Variants in N4BP1 observed in about 807,000 individuals in gnomAD.
N4BP1 encodes NEDD4 binding protein 1, also known as NEDD4-binding protein 1.
N4BP1 carries 21 observed loss-of-function variants against 70.9 expected under a neutral mutation model. The observed-to-expected ratio is 0.30, with a 90% CI of 0.21 to 0.43. The LOEUF (loss-of-function observed/expected upper bound fraction) is 0.43. Ranked by LOEUF, N4BP1 falls within the 20% of genes least tolerant of loss-of-function variation. The pLI is 1.00. For missense variants in N4BP1, 936 were observed against 1,069.4 expected (o/e 0.88, Z 1.74); for synonymous variants, 387 against 394.6 (o/e 0.98, Z 0.23).
chr16:48,596,261 T>A (rs1250847009), intron 1 of N4BP1, among the ~76,000 whole-genome samples: 1 of 152,248 alleles, frequency 6.6e-6, no homozygotes, highest in Non-Finnish European at 1.5e-5. Flanking sequence ...AATTAATGCT[T>A]AACTGGAATT....
intron 1 of N4BP1, among the ~76,000 whole-genome samples, chr16:48,583,391 C>A (rs1287840871): frequency 6.6e-6 from 1 of 152,172 alleles, no homozygotes; most frequent in Non-Finnish European, 1.5e-5. Flanking sequence ...TTATCCAAGG[C>A]TGGCACAGTT....
chr16:48,570,422 T>C (rs760860581), intron 1 of N4BP1, among the ~76,000 whole-genome samples: 14 of 152,184 alleles, frequency 9.2e-5, no homozygotes, highest in Non-Finnish European at 1.8e-4. Context: ...CTCGGCTCAC[T>C]GCAAACTCTG....
chr16:48,598,828 A>C (rs1964457158), intron 1 of N4BP1, among the ~76,000 whole-genome samples: 1 of 152,100 alleles, frequency 6.6e-6, no homozygotes, highest in Non-Finnish European at 1.5e-5. Context: ...TTGATATAGG[A>C]GTCCTATGAT....
At chr16:48,556,329 TTCCTACTTCAAG>T (rs1963754799) in intron 2 of N4BP1, among the ~76,000 whole-genome samples, 1 of 152,208 alleles carries the variant, frequency 6.6e-6, no homozygotes, top group Non-Finnish European at 1.5e-5. Context: ...AGGACCCTTC[TTCCTACTTCAAG>T]TCCTATACCC....
chr16:48,540,735 GCC>G lies in N4BP1; in HGVS notation c.*2167_*2168del. 1 of 152,494 alleles carries G rather than the reference GCC, an allele frequency of 6.6e-6. No individual in the cohort carries two copies. The highest frequency in any genetic ancestry group is 6.5e-5 in the Admixed American group (1 of 15,306). 9.4% of individuals were successfully genotyped at this position (152,494 alleles called of 1,614,324 possible). A position where few individuals can be genotyped will look rare whatever the true frequency, so the allele number is the denominator to read the frequency against. ...GCAGTAGACAGGGAAGAGGCGAGCG[GCC>G]CCACTGCAGGAGGTAGACAGGCTAC... is the stretch of plus-strand genomic sequence containing the variant. On this transcript the variant is annotated 3_prime_UTR_variant, in exon 7 of 7. Transcript: ENST00000262384.
At chr16:48,584,121 T>C (rs1597106484) in intron 1 of N4BP1, among the ~76,000 whole-genome samples, 3 of 152,332 alleles carry the variant, frequency 2.0e-5, no homozygotes, top group African/African-American at 2.4e-5. Context: ...ATGAATCTGG[T>C]CTATGCATGG....
rs1320328405 is a variant in N4BP1 at position 48,540,491 on chromosome 16, C to G, written c.*2413G>C. On this transcript the variant is annotated 3_prime_UTR_variant, in exon 7 of 7. Transcript: ENST00000262384. ...GACACCTTCTGTCTCCTGAATGCAG[C>G]CTACAGGGGTTCAAACAGACTGCTT... 1 of 152,390 alleles carries G rather than the reference C, an allele frequency of 6.6e-6. No individual in the cohort carries two copies. Among genetic ancestry groups the G allele is most frequent in the Non-Finnish European group, 1.5e-5 (1 of 68,118 alleles). 9.4% of individuals were successfully genotyped at this position (152,390 alleles called of 1,614,324 possible). A position where few individuals can be genotyped will look rare whatever the true frequency, so the allele number is the denominator to read the frequency against.
At position 48,561,514 on chromosome 16, in the gene N4BP1, G is replaced by C; in HGVS notation, c.1129C>G (p.Pro377Ala). The change falls in exon 2 of 7, where the codon CCA becomes GCA. Residue 377 changes from proline (P) to alanine (A), a missense_variant. By Grantham distance (27) the Pro-to-Ala change is conservative (BLOSUM62 -1). This residue lies in a region of N4BP1 where 515 missense variants were observed against 491.7 expected (regional missense o/e 1.05). Transcript: ENST00000262384. Reference sequence around the variant, plus strand: ...TCAATTTCCTCTAAGAGCAATAATGGTTCAGTAGATGGTCCATACACCTTA... The same window carrying C: ...TCAATTTCCTCTAAGAGCAATAATGCTTCAGTAGATGGTCCATACACCTTA... Reference protein sequence around the residue: ...VIKVYGPSTEPLLLLEEIEKE... With the variant: ...VIKVYGPSTEALLLLEEIEKE... 1 of 1,613,408 alleles carries C rather than the reference G, an allele frequency of 6.2e-7. No individual in the cohort carries two copies. Among genetic ancestry groups the C allele is most frequent in the Non-Finnish European group, 8.5e-7 (1 of 1,179,772 alleles).
intron 1 of N4BP1, among the ~76,000 whole-genome samples, chr16:48,585,449 CA>C (rs1964231303): frequency 6.7e-6 from 1 of 150,294 alleles, no homozygotes; most frequent in South Asian, 2.1e-4. Flanking sequence ...CCAGCCTGGG[CA>C]ACATGGTGAG....
chr16:48,560,375 AT>A (rs1963835627), intron 2 of N4BP1, among the ~76,000 whole-genome samples: 2 of 123,318 alleles, frequency 1.6e-5, no homozygotes, highest in South Asian at 5.3e-4. Flanking sequence ...GCATAATAAG[AT>A]AAAAAAAAAT....
At chr16:48,596,985 C>T (rs773843937) in intron 1 of N4BP1, among the ~76,000 whole-genome samples, 3 of 152,196 alleles carry the variant, frequency 2.0e-5, no homozygotes, top group Non-Finnish European at 2.9e-5. Flanking sequence ...TCAACCAGTT[C>T]TGCCATCCCA....
At chr16:48,599,709 T>C (rs1174361387) in intron 1 of N4BP1, among the ~76,000 whole-genome samples, 1 of 152,256 alleles carries the variant, frequency 6.6e-6, no homozygotes, top group Non-Finnish European at 1.5e-5. Context: ...TAGGTAAAAC[T>C]GAACATTTCA....
intron 1 of N4BP1, among the ~76,000 whole-genome samples, chr16:48,605,729 C>A (rs1964570073): frequency 6.6e-6 from 1 of 152,180 alleles, no homozygotes; most frequent in South Asian, 2.1e-4. Context: ...CAGCCCCAGC[C>A]CAGAGGTGTA....
chr16:48,592,787 G>A (rs756900198), intron 1 of N4BP1, among the ~76,000 whole-genome samples: 12 of 152,184 alleles, frequency 7.9e-5, no homozygotes, highest in Non-Finnish European at 1.6e-4. Flanking sequence ...GTCATAAACT[G>A]CTTCTTTAAC....
intron 2 of N4BP1, among the ~76,000 whole-genome samples, chr16:48,559,387 T>C (rs2354578): frequency 0.41 from 61,826 of 152,020 alleles, 13,596 homozygotes; most frequent in African/African-American, 0.57. Context: ...GCAACTTCTC[T>C]CTCATTCCAT....
chr16:48,609,762 C>T lies in N4BP1; in HGVS notation c.198+13G>A. 4 of 1,347,582 alleles carry T rather than the reference C, an allele frequency of 3.0e-6. No individual in the cohort carries two copies. The highest frequency in any genetic ancestry group is 1.7e-5 in the South Asian group (1 of 57,502). The allele number at this position is 1,347,582 out of a possible 1,614,324, so 83.5% of individuals were successfully genotyped here. A position where few individuals can be genotyped will look rare whatever the true frequency, so the allele number is the denominator to read the frequency against. ...CGAGGCCGCGGGCGCGCGGGGGCGG[C>T]GGCCGGACTCACCTTGGCGCTGTGC... On this transcript the variant is annotated intron_variant, in intron 1 of 6. Transcript: ENST00000262384.
At chr16:48,605,096 G>C (rs766202305) in intron 1 of N4BP1, among the ~76,000 whole-genome samples, 3 of 151,694 alleles carry the variant, frequency 2.0e-5, no homozygotes, top group African/African-American at 7.3e-5. Flanking sequence ...GCAATAGCGT[G>C]ATCTTGGTTC....
rs1422991574 is a variant in N4BP1, at chr16:48,609,786, G to A, written c.187C>T (p.His63Tyr). 6.9e-7 allele frequency: 1 copy of A among 1,459,216 alleles called. No individual in the cohort carries two copies. Among genetic ancestry groups the A allele is most frequent in the African/African-American group, 1.5e-5 (1 of 68,060 alleles). 90.4% of individuals were successfully genotyped at this position (1,459,216 alleles called of 1,614,324 possible). ...LQLCGAQEAVHSAKEYIKGIC... is the reference protein window; with the variant it reads ...LQLCGAQEAVYSAKEYIKGIC... The stretch of plus-strand genomic sequence containing the variant: ...GCGGCCGGACTCACCTTGGCGCTGT[G>A]CACCGCCTCCTGCGCCCCGCAGAGC... The change falls in exon 1 of 7, where the codon CAC (histidine) becomes TAC (tyrosine). Residue 63 changes from histidine to tyrosine, a missense_variant. Physicochemically the swap from His to Tyr is moderately conservative, Grantham distance 83. Coordinates refer to ENST00000262384, the MANE Select transcript of N4BP1 (RefSeq NM_153029.4).
At chr16:48,575,798 G>C (rs1964084236) in intron 1 of N4BP1, among the ~76,000 whole-genome samples, 1 of 152,192 alleles carries the variant, frequency 6.6e-6, no homozygotes, top group Non-Finnish European at 1.5e-5. Context: ...ATTCAAGGCA[G>C]ACACAACGGT....
Sources: gnomAD v4.1 joint callset for allele counts (sites outside exome capture counted in the v4.1 genomes callset) on GRCh38, gnomAD v4.1.1 for gene constraint, gnomAD v4.1.1 regional missense constraint, MANE v1.5 for transcripts, NCBI Gene and HGNC (gene_info 2026-07-23, HGNC 2026-07-21) for gene names.